KAZN: variants seen among roughly 807,000 people sequenced by gnomAD.
KAZN encodes the protein kazrin.
KAZN carries 40 observed loss-of-function variants against 87.4 expected under a neutral mutation model. The observed-to-expected ratio is 0.46, with a 90% CI of 0.36 to 0.60. The LOEUF (loss-of-function observed/expected upper bound fraction) is 0.60. KAZN is among the 20% of genes least tolerant of loss of function. KAZN has a pLI of 0.00. For missense variants in KAZN, 898 were observed against 1,073.9 expected, an observed-to-expected ratio of 0.84 and a Z score of 2.29; for synonymous variants, 466 against 458.3, an observed-to-expected ratio of 1.02 and a Z score of -0.22.
chr1:14,334,281 C>T (rs12740175), intron 2 of KAZN, among the ~76,000 whole-genome samples: 95 of 141,782 alleles, frequency 6.7e-4, no homozygotes, highest in South Asian at 1.6e-3. Context: ...AGGAGAATCG[C>T]TCAAACCCAA....
intron 1 of KAZN, among the ~76,000 whole-genome samples, chr1:14,777,881 A>T (rs956847763): frequency 1.3e-5 from 2 of 152,096 alleles, no homozygotes; most frequent in African/African-American, 4.8e-5. Context: ...TGGCATTTGT[A>T]AACTGTCACG....
At chr1:14,529,501 C>T (rs1458953656) in intron 2 of KAZN, among the ~76,000 whole-genome samples, 1 of 152,140 alleles carries the variant, frequency 6.6e-6, no homozygotes, top group Non-Finnish European at 1.5e-5. Context: ...TTGGAATGTG[C>T]ACTTTGTGTG....
At chr1:14,392,687 C>T (rs1166326796) in intron 2 of KAZN, among the ~76,000 whole-genome samples, 2 of 151,928 alleles carry the variant, frequency 1.3e-5, no homozygotes. Context: ...TAGCACACCT[C>T]GGTCATGACA....
At chr1:14,702,034 C>T (rs1022558761) in intron 1 of KAZN, among the ~76,000 whole-genome samples, 2 of 152,196 alleles carry the variant, frequency 1.3e-5, no homozygotes, top group Non-Finnish European at 2.9e-5. Context: ...TGCTAAAGCA[C>T]ATCTTCGCCT....
At chr1:14,419,353 G>C (rs559972899) in intron 2 of KAZN, among the ~76,000 whole-genome samples, 2 of 152,140 alleles carry the variant, frequency 1.3e-5, no homozygotes, top group African/African-American at 4.8e-5. Flanking sequence ...TTTCCACCCT[G>C]CCCGGCCATC....
chr1:14,024,591 C>T (rs1181158716), intron 1 of KAZN, among the ~76,000 whole-genome samples: 1 of 152,228 alleles, frequency 6.6e-6, no homozygotes, highest in Non-Finnish European at 1.5e-5. Context: ...GAGGGTACCT[C>T]TGACTTGTTG....
At chr1:13,944,702 A>G (rs555813078) in intron 1 of KAZN, among the ~76,000 whole-genome samples, 2 of 152,318 alleles carry the variant, frequency 1.3e-5, no homozygotes, top group African/African-American at 4.8e-5. Flanking sequence ...CATTATCTCT[A>G]TGGTAACCAC....
chr1:14,535,281 A>T (rs1353305487), intron 2 of KAZN, among the ~76,000 whole-genome samples: 1 of 152,230 alleles, frequency 6.6e-6, no homozygotes, highest in African/African-American at 2.4e-5. Context: ...TCCCTGTGAC[A>T]AGACCTTATA....
At chr1:14,447,404 A>G (rs1477081949) in intron 2 of KAZN, among the ~76,000 whole-genome samples, 1 of 151,406 alleles carries the variant, frequency 6.6e-6, no homozygotes. Context: ...ACACCGGGCT[A>G]ATTTTTTTGT....
intron 1 of KAZN, among the ~76,000 whole-genome samples, chr1:14,699,161 C>T (rs754258363): frequency 6.6e-6 from 1 of 152,156 alleles, no homozygotes; most frequent in African/African-American, 2.4e-5. Context: ...TCATGAGATC[C>T]TCCAAGGACA....
At chr1:13,977,673 C>A (rs725397) in intron 1 of KAZN, among the ~76,000 whole-genome samples, 23,360 of 152,122 alleles carry the variant, frequency 0.15, 1,961 homozygotes, top group Middle Eastern at 0.18. Context: ...TAAAAACAGG[C>A]GGCCTGGAAC....
exon 1 of KAZN, chr1:13,893,471 G>A: frequency 1.2e-6 from 1 of 853,268 alleles, no homozygotes; most frequent in Admixed American, 3.1e-5. Context: ...TACTTGACTG[G>A]TGTTTGAGAA....
At chr1:14,683,779 C>T (rs996091212) in intron 1 of KAZN, among the ~76,000 whole-genome samples, 30 of 152,270 alleles carry the variant, frequency 2.0e-4, no homozygotes, top group African/African-American at 6.3e-4. Context: ...CTGTGCAGTG[C>T]GTGCTTCCTC....
At chr1:15,009,057 G>A (rs574341589) in intron 2 of KAZN, among the ~76,000 whole-genome samples, 4 of 152,300 alleles carry the variant, frequency 2.6e-5, no homozygotes, top group East Asian at 1.9e-4. Context: ...GAGCCCGCCC[G>A]CTGGGGTGAG....
intron 1 of KAZN, among the ~76,000 whole-genome samples, chr1:14,752,786 C>A (rs944107845): frequency 6.6e-6 from 1 of 152,116 alleles, no homozygotes; most frequent in African/African-American, 2.4e-5. Context: ...CCAAAACCAG[C>A]GCTTAGTTTT....
At chr1:14,363,798 T>A (rs980204045) in intron 2 of KAZN, among the ~76,000 whole-genome samples, 6 of 152,200 alleles carry the variant, frequency 3.9e-5, no homozygotes, top group African/African-American at 1.4e-4. Flanking sequence ...AGAAGAAGTT[T>A]GTTACCCCCT....
At chr1:14,868,645 C>A (rs1651798650) in intron 1 of KAZN, among the ~76,000 whole-genome samples, 2 of 151,854 alleles carry the variant, frequency 1.3e-5, no homozygotes, top group Admixed American at 6.6e-5. Flanking sequence ...TAGTAGGCTC[C>A]TCTGCAGCTG....
At chr1:14,582,869 A>T (rs1180420954) in intron 2 of KAZN, among the ~76,000 whole-genome samples, 4 of 152,218 alleles carry the variant, frequency 2.6e-5, no homozygotes, top group Non-Finnish European at 5.9e-5. Context: ...AGGGGCACAG[A>T]ATCAAGCTCT....
intron 1 of KAZN, among the ~76,000 whole-genome samples, chr1:14,010,777 C>A (rs536487888): frequency 6.6e-6 from 1 of 152,188 alleles, no homozygotes; most frequent in Non-Finnish European, 1.5e-5. Flanking sequence ...ATCTGAGTGA[C>A]ATAAGAGAAA....
Sources: allele counts gnomAD v4.1 joint callset (sites outside exome capture counted in the v4.1 genomes callset), GRCh38; gene constraint gnomAD v4.1.1; transcripts MANE v1.5; gene names NCBI Gene and HGNC (gene_info 2026-07-23, HGNC 2026-07-21).